LRP11: variants seen among roughly 807,000 people sequenced by gnomAD.
LRP11 encodes LDL receptor related protein 11.
In LRP11, 25 loss-of-function variants were observed where a neutral mutation model predicts 43.1. That is an observed-to-expected ratio of 0.58 (90% CI 0.42 to 0.81). The LOEUF (loss-of-function observed/expected upper bound fraction) is 0.81, where lower values mean the gene tolerates loss of function less well. LRP11 is among the 30% of genes least tolerant of loss of function. The pLI is 0.00. For missense variants in LRP11, 623 were observed against 665.1 expected, an observed-to-expected ratio of 0.94 and a Z score of 0.70; for synonymous variants, 316 against 299.4, an observed-to-expected ratio of 1.06 and a Z score of -0.57.
intron 4 of LRP11, among the ~76,000 whole-genome samples, 163 bp downstream of exon 4, chr6:149,837,175 G>A (rs1275866837): frequency 6.6e-6 from 1 of 152,142 alleles, no homozygotes; most frequent in Non-Finnish European, 1.5e-5. Context: ...ACTTAGACTA[G>A]AGACATATTG....
intron 5 of LRP11, among the ~76,000 whole-genome samples, chr6:149,833,190 G>A (rs897476855): frequency 3.9e-5 from 6 of 152,146 alleles, no homozygotes; most frequent in African/African-American, 7.2e-5. Context: ...GCCCACCTCG[G>A]CCTCCCAAAG....
chr6:149,824,993 G>A (rs1666072530), intron 6 of LRP11, among the ~76,000 whole-genome samples: 1 of 152,210 alleles, frequency 6.6e-6, no homozygotes, highest in Admixed American at 6.5e-5. Flanking sequence ...ATAGGGGACA[G>A]GGCCCCTTTT....
At chr6:149,826,151 G>A in intron 6 of LRP11, 113 bp downstream of exon 6, 1 of 825,318 alleles carries the variant, frequency 1.2e-6, no homozygotes, top group Non-Finnish European at 2.2e-6. Context: ...TCGGTCCACT[G>A]ACGGACTCCT....
intron 3 of LRP11, chr6:149,842,636 A>G: frequency 1.3e-6 from 2 of 1,550,934 alleles, no homozygotes. Context: ...TAAACTCCTT[A>G]GCTTCCCTCT....
chr6:149,834,565 T>C (rs1341332252), intron 5 of LRP11, among the ~76,000 whole-genome samples: 1 of 152,248 alleles, frequency 6.6e-6, no homozygotes, highest in African/African-American at 2.4e-5. Context: ...CTTCACCCCT[T>C]CGGCAGTCCT....
chr6:149,835,290 C>T (rs1776456811), intron 5 of LRP11, among the ~76,000 whole-genome samples: 1 of 152,030 alleles, frequency 6.6e-6, no homozygotes, highest in Non-Finnish European at 1.5e-5. Flanking sequence ...TTCTGTAATG[C>T]TTTAGTCATG....
chr6:149,824,996 C>T (rs896284045), intron 6 of LRP11, among the ~76,000 whole-genome samples: 1 of 152,184 alleles, frequency 6.6e-6, no homozygotes, highest in African/African-American at 2.4e-5. Flanking sequence ...GGGGACAGGG[C>T]CCCTTTTATT....
chr6:149,842,626 TA>T, intron 3 of LRP11: 4 of 1,550,812 alleles, frequency 2.6e-6, no homozygotes, highest in Non-Finnish European at 3.5e-6. Context: ...CTGGTTTCAC[TA>T]AACTCCTTAG....
At chr6:149,836,032 G>A in intron 5 of LRP11, 53 bp downstream of exon 5, 1 of 1,474,562 alleles carries the variant, frequency 6.8e-7, no homozygotes, top group South Asian at 1.1e-5. Context: ...TGTGAGCCAA[G>A]TTTGGCTACA....
rs11278 is a variant in LRP11 at position 149,853,077 on chromosome 6, C to T, written c.697G>A (p.Glu233Lys). The change falls in exon 2 of 7, where the codon GAG (glutamate) becomes AAG (lysine). Residue 233 changes from glutamate (E) to lysine (K), a missense_variant. Coordinates refer to ENST00000239367, the MANE Select transcript of LRP11 (RefSeq NM_032832.6). ...ACGATGGCGTGGTCATCTGTGCTCTCGCGGCCGTCTAGAACCACCCCGTCT... is the reference window on the plus strand; with the variant it reads ...ACGATGGCGTGGTCATCTGTGCTCTTGCGGCCGTCTAGAACCACCCCGTCT... ...PTDGVVLDGR[E>K]STDDHAIVQY... is the part of the protein sequence containing the mutation. 1.5e-5 allele frequency: 24 copies of T among 1,612,572 alleles called. No homozygotes were observed. The South Asian group carries it at 1.9e-4, about 13-fold the overall frequency.
intron 5 of LRP11, among the ~76,000 whole-genome samples, chr6:149,832,049 T>G (rs1354776037): frequency 1.3e-5 from 2 of 152,232 alleles, no homozygotes; most frequent in Non-Finnish European, 2.9e-5. Flanking sequence ...GACTTGTTTC[T>G]CTCTACTCTT....
At chr6:149,851,282 T>C (rs1169850142) in intron 2 of LRP11, among the ~76,000 whole-genome samples, 2 of 152,146 alleles carry the variant, frequency 1.3e-5, no homozygotes, top group Non-Finnish European at 2.9e-5. Context: ...GGAGAGGCAA[T>C]ATCTGGATCA....
chr6:149,839,051 GTTTTTTTTTGTTTTT>G (rs1776510771), intron 3 of LRP11, among the ~76,000 whole-genome samples: 1 of 145,374 alleles, frequency 6.9e-6, no homozygotes, highest in Non-Finnish European at 1.5e-5. Context: ...CATACACTTG[GTTTTTTTTTGTTTTT>G]TTTTTTTTTG....
chr6:149,838,651 C>T (rs1286086692), intron 3 of LRP11, among the ~76,000 whole-genome samples: 1 of 150,672 alleles, frequency 6.6e-6, no homozygotes, highest in Non-Finnish European at 1.5e-5. Flanking sequence ...TGACACTGCA[C>T]TCCAGCCTGG....
At chr6:149,825,472 A>G (rs914068828) in intron 6 of LRP11, among the ~76,000 whole-genome samples, 1 of 152,094 alleles carries the variant, frequency 6.6e-6, no homozygotes, top group Non-Finnish European at 1.5e-5. Context: ...CATCGTTTCT[A>G]TATTTGGCTC....
At chr6:149,830,479 C>T (rs1012588359) in intron 5 of LRP11, among the ~76,000 whole-genome samples, 1 of 152,120 alleles carries the variant, frequency 6.6e-6, no homozygotes, top group Non-Finnish European at 1.5e-5. Flanking sequence ...TTTTTTACTC[C>T]AAGAACCAAG....
In LRP11 at chr6:149,843,101, C is replaced by A. The variant is rs1445863680; in HGVS notation, c.795G>T (p.Lys265Asn). 1 of 1,614,202 alleles carries A rather than the reference C, an allele frequency of 6.2e-7. No homozygotes were observed. Among genetic ancestry groups the A allele is most frequent in the Non-Finnish European group, 8.5e-7 (1 of 1,180,032 alleles). ...AGGTTCCCTCCTGTAGGTGGGACAG[C>A]TTCAGGGTTCCTGATTGAGGCACCT... Reference protein sequence around the residue: ...DMKVPQSGTLKLSHLQEGTYT... With the variant: ...DMKVPQSGTLNLSHLQEGTYT... The change falls in exon 3 of 7, where the codon AAG becomes AAT. Residue 265 changes from lysine (K) to asparagine (N), a missense_variant. Lys to Asn is a moderately conservative substitution (Grantham distance 94). Transcript: ENST00000239367.
At chr6:149,840,978 T>G (rs1776538008) in intron 3 of LRP11, among the ~76,000 whole-genome samples, 1 of 152,178 alleles carries the variant, frequency 6.6e-6, no homozygotes, top group South Asian at 2.1e-4. Flanking sequence ...TTACTCGCTA[T>G]CACTGGTGAC....
chr6:149,831,277 T>C (rs1484168478), intron 5 of LRP11, among the ~76,000 whole-genome samples: 2 of 152,236 alleles, frequency 1.3e-5, no homozygotes, highest in African/African-American at 4.8e-5. Context: ...GAAGAAATAC[T>C]TTAACATGCC....
Sources: allele counts gnomAD v4.1 joint callset (sites outside exome capture counted in the v4.1 genomes callset), GRCh38; gene constraint gnomAD v4.1.1; transcripts MANE v1.5; gene names NCBI Gene and HGNC (gene_info 2026-07-23, HGNC 2026-07-21).